Variants in ESRRG observed in about 807,000 individuals in gnomAD.
ESRRG encodes the protein estrogen-related receptor gamma.
In ESRRG, 13 loss-of-function variants were observed where a neutral mutation model predicts 44.0. That is an observed-to-expected ratio of 0.30 (90% confidence interval 0.19 to 0.47). The LOEUF (loss-of-function observed/expected upper bound fraction) is 0.47. ESRRG is among the 20% of genes least tolerant of loss of function. ESRRG has a pLI of 1.00. For synonymous variants in ESRRG, 215 were observed against 214.6 expected (o/e 1.00, Z -0.02); for missense variants, 395 against 580.6 (o/e 0.68, Z 3.29).
At chr1:217,123,859 G>A (rs566422940) in intron 1 of ESRRG, among the ~76,000 whole-genome samples, 6 of 152,008 alleles carry the variant, frequency 3.9e-5, no homozygotes, top group African/African-American at 7.3e-5. Context: ...TATGGCACAC[G>A]CTCACCTACG....
chr1:217,039,403 G>T (rs902256191), intron 1 of ESRRG, among the ~76,000 whole-genome samples: 2 of 152,318 alleles, frequency 1.3e-5, no homozygotes, highest in Non-Finnish European at 2.9e-5. Flanking sequence ...TAGACTTACA[G>T]TTCCACATGT....
At position 216,519,400 on chromosome 1, in the gene ESRRG, G is replaced by T. The variant is rs752416358; in HGVS notation, c.884C>A (p.Ala295Glu). The T allele has an allele frequency of 6.2e-7, 1 of 1,611,686 alleles. No individual in the cohort carries two copies. The highest frequency in any genetic ancestry group is 8.5e-7 in the Non-Finnish European group (1 of 1,179,560). The change falls in exon 6 of 7, where the codon GCG (alanine) becomes GAG (glutamate). Residue 295 changes from alanine (A) to glutamate (E), a missense_variant. Physicochemically the swap from Ala to Glu is moderately radical, Grantham distance 107 (BLOSUM62 -1). This residue lies in a region of ESRRG where 167 missense variants were observed against 251.8 expected (regional missense o/e 0.66). Coordinates refer to ENST00000408911, the MANE Select transcript of ESRRG (RefSeq NM_001438.4). ...ACTCTGCAGAAGGCTCATCTGGTCC[G>T]CCAGGGACAGCGTGGAGAAGCCTGC... ...HIPGFSTLSL[A>E]DQMSLLQSAW...
At chr1:216,672,946 G>A (rs796866961) in intron 2 of ESRRG, among the ~76,000 whole-genome samples, 12 of 152,246 alleles carry the variant, frequency 7.9e-5, no homozygotes, top group African/African-American at 2.2e-4. Context: ...GGATGCACAC[G>A]TCCCTTAAGT....
At chr1:217,073,292 C>T (rs2090849122) in intron 1 of ESRRG, among the ~76,000 whole-genome samples, 1 of 148,942 alleles carries the variant, frequency 6.7e-6, no homozygotes, top group Non-Finnish European at 1.5e-5. Flanking sequence ...TAGGCAAAAT[C>T]CATCTTACAG....
chr1:216,750,294 A>T (rs958476472), intron 2 of ESRRG, among the ~76,000 whole-genome samples: 2 of 152,110 alleles, frequency 1.3e-5, no homozygotes, highest in Non-Finnish European at 2.9e-5. Context: ...CTTGCCTTCC[A>T]GCTAGCCAAC....
intron 1 of ESRRG, among the ~76,000 whole-genome samples, chr1:217,011,349 G>C (rs1468897158): frequency 6.6e-6 from 1 of 152,196 alleles, no homozygotes; most frequent in Non-Finnish European, 1.5e-5. Context: ...CAGGTTTATT[G>C]GTGGACACTA....
intron 3 of ESRRG, among the ~76,000 whole-genome samples, chr1:216,581,136 AG>A: frequency 6.6e-6 from 1 of 152,346 alleles, no homozygotes; most frequent in East Asian, 1.9e-4. Flanking sequence ...AAGCAACCAA[AG>A]AATAGATAAT....
intron 2 of ESRRG, among the ~76,000 whole-genome samples, chr1:216,926,179 C>T (rs550300951): frequency 6.6e-6 from 1 of 152,170 alleles, no homozygotes; most frequent in African/African-American, 2.4e-5. Context: ...AGATGCCAGG[C>T]CCCTGCCCTC....
At chr1:216,671,364 G>C (rs771929258) in intron 2 of ESRRG, among the ~76,000 whole-genome samples, 6 of 152,172 alleles carry the variant, frequency 3.9e-5, no homozygotes, top group Non-Finnish European at 5.9e-5. Flanking sequence ...ATGGCTACAG[G>C]GAGAGAGGGT....
At chr1:216,972,345 A>G (rs536310953) in intron 1 of ESRRG, among the ~76,000 whole-genome samples, 1 of 152,280 alleles carries the variant, frequency 6.6e-6, no homozygotes, top group Non-Finnish European at 1.5e-5. Context: ...CTGAACCACA[A>G]ATAATTGCCA....
At chr1:217,084,954 A>G (rs1039594728) in intron 1 of ESRRG, among the ~76,000 whole-genome samples, 2 of 152,108 alleles carry the variant, frequency 1.3e-5, no homozygotes, top group Non-Finnish European at 2.9e-5. Flanking sequence ...CTTCACAACT[A>G]TAGGTATTAT....
At chr1:216,744,814 G>A (rs1191025109) in intron 2 of ESRRG, among the ~76,000 whole-genome samples, 4 of 152,148 alleles carry the variant, frequency 2.6e-5, no homozygotes, top group African/African-American at 9.7e-5. Context: ...CGTCTGACTA[G>A]GTTTTCTCAA....
chr1:216,887,110 T>C (rs993269800), intron 2 of ESRRG, among the ~76,000 whole-genome samples: 3 of 152,138 alleles, frequency 2.0e-5, no homozygotes, highest in African/African-American at 7.2e-5. Flanking sequence ...TTCCTCACTT[T>C]TCAGATTTAA....
chr1:216,775,084 T>C (rs1576407020), intron 2 of ESRRG, among the ~76,000 whole-genome samples: 1 of 151,968 alleles, frequency 6.6e-6, no homozygotes, highest in Admixed American at 6.6e-5. Flanking sequence ...GCTAGGATTA[T>C]AGGCGTGAGC....
intron 3 of ESRRG, among the ~76,000 whole-genome samples, chr1:216,598,110 A>T (rs957797735): frequency 1.3e-5 from 2 of 152,236 alleles, no homozygotes; most frequent in African/African-American, 4.8e-5. Context: ...AGATCAAGGA[A>T]TGGAAGGGCA....
intron 1 of ESRRG, among the ~76,000 whole-genome samples, chr1:217,012,826 G>A (rs1022875399): frequency 9.2e-5 from 14 of 152,076 alleles, no homozygotes; most frequent in African/African-American, 3.1e-4. Flanking sequence ...GTTTGCCCTA[G>A]GGCTATTGTA....
intron 2 of ESRRG, among the ~76,000 whole-genome samples, chr1:216,791,945 T>A (rs2094333271): frequency 6.6e-6 from 1 of 152,116 alleles, no homozygotes; most frequent in Non-Finnish European, 1.5e-5. Context: ...TCCACAAAAA[T>A]TACAATTAGT....
intron 2 of ESRRG, among the ~76,000 whole-genome samples, chr1:216,760,015 G>A (rs1013481155): frequency 2.0e-5 from 3 of 152,014 alleles, no homozygotes; most frequent in Non-Finnish European, 4.4e-5. Context: ...ATCCCTAAAC[G>A]GGGTAAGTGT....
At chr1:216,770,409 A>T (rs999278330) in intron 2 of ESRRG, among the ~76,000 whole-genome samples, 5 of 152,072 alleles carry the variant, frequency 3.3e-5, no homozygotes, top group Admixed American at 2.6e-4. Context: ...TACTCTATAG[A>T]TGTTTGCATC....
Sources: allele counts gnomAD v4.1 joint callset (sites outside exome capture counted in the v4.1 genomes callset), GRCh38; gene constraint gnomAD v4.1.1; regional missense constraint gnomAD v4.1.1; transcripts MANE v1.5; gene names NCBI Gene and HGNC (gene_info 2026-07-23, HGNC 2026-07-21).